GLIS1: variants seen among roughly 807,000 people sequenced by gnomAD.
GLIS1 encodes GLIS family zinc finger 1, also known as zinc finger protein GLIS1.
A neutral mutation model predicts 63.8 loss-of-function variants in GLIS1; 24 were observed. The observed-to-expected ratio is 0.38, with a 90% CI of 0.27 to 0.53. GLIS1 has a LOEUF of 0.53. Ranked by LOEUF, GLIS1 falls within the 20% of genes least tolerant of loss-of-function variation. The pLI is 0.85. For missense variants in GLIS1, 1,036 were observed against 1,074.1 expected (o/e 0.96, Z 0.50); for synonymous variants, 450 against 482.5 (o/e 0.93, Z 0.88).
At chr1:53,606,765 C>T (rs1032584373) in intron 2 of GLIS1, among the ~76,000 whole-genome samples, 1 of 152,344 alleles carries the variant, frequency 6.6e-6, no homozygotes, top group South Asian at 2.1e-4. Flanking sequence ...GCAGGGGCCT[C>T]CAGAACAGCA....
intron 2 of GLIS1, among the ~76,000 whole-genome samples, chr1:53,712,342 T>A (rs1646655333): frequency 6.6e-6 from 1 of 152,224 alleles, no homozygotes. Context: ...GCCATGCCAA[T>A]GCTGCTGGTC....
chr1:53,651,797 C>G (rs112009911), intron 2 of GLIS1, among the ~76,000 whole-genome samples: 1,613 of 151,734 alleles, frequency 0.011, 13 homozygotes, highest in Non-Finnish European at 0.017. Flanking sequence ...TCGCTTGAGC[C>G]CAGGAGCTTG....
At chr1:53,727,952 T>G (rs1302345448) in intron 2 of GLIS1, among the ~76,000 whole-genome samples, 2 of 152,214 alleles carry the variant, frequency 1.3e-5, no homozygotes, top group Non-Finnish European at 2.9e-5. Context: ...TACCATATGT[T>G]CAACCTTGCA....
At chr1:53,728,095 G>A (rs895888553) in intron 2 of GLIS1, among the ~76,000 whole-genome samples, 2 of 152,094 alleles carry the variant, frequency 1.3e-5, no homozygotes, top group Non-Finnish European at 2.9e-5. Flanking sequence ...CGGGGTTCAA[G>A]GATAATGACA....
At position 53,639,687 on chromosome 1, in the gene GLIS1, C is replaced by G. The variant is rs1378203439; in HGVS notation, c.260-39409G>C. Among the ~76,000 whole-genome samples the G allele has an allele frequency of 6.6e-6, 1 of 152,074 alleles. No homozygotes were observed. Among genetic ancestry groups the G allele is most frequent in the Non-Finnish European group, 1.5e-5 (1 of 68,016 alleles). ...CCCGCTATCCTGGGCCGACAGCATA[C>G]TCAGGTTTACTCAGTGAATATTTAT... On this transcript the variant is annotated intron_variant, in intron 2 of 10. Transcript: ENST00000628545. The surrounding 1 kb of genome is among the most constrained non-coding windows in gnomAD (Gnocchi z 4.6).
intron 2 of GLIS1, among the ~76,000 whole-genome samples, chr1:53,708,180 G>A (rs1646600608): frequency 6.6e-6 from 1 of 152,102 alleles, no homozygotes; most frequent in South Asian, 2.1e-4. Context: ...CTACTCAGGA[G>A]GCTGAGGCAG....
chr1:53,606,776 G>A (rs373067569), intron 2 of GLIS1, among the ~76,000 whole-genome samples: 1 of 152,238 alleles, frequency 6.6e-6, no homozygotes, highest in South Asian at 2.1e-4. Flanking sequence ...CAGAACAGCA[G>A]GCCTGACGCT....
At chr1:53,507,728 AG>A (rs1644250228) in intron 10 of GLIS1, among the ~76,000 whole-genome samples, 1 of 151,942 alleles carries the variant, frequency 6.6e-6, no homozygotes, top group African/African-American at 2.4e-5. Flanking sequence ...CACTGGGGAG[AG>A]GGGAGGCTGA....
intron 4 of GLIS1, among the ~76,000 whole-genome samples, chr1:53,580,828 C>T (rs1156627300): frequency 1.3e-5 from 2 of 152,154 alleles, no homozygotes; most frequent in Non-Finnish European, 2.9e-5. Context: ...GCATTCTTGG[C>T]TGTTTCCATC....
chr1:53,559,399 C>G (rs1162989257), intron 4 of GLIS1, among the ~76,000 whole-genome samples: 1 of 152,154 alleles, frequency 6.6e-6, no homozygotes, highest in East Asian at 1.9e-4. Flanking sequence ...ATGGAAGGAT[C>G]CTGGGTCCTG....
At chr1:53,549,381 T>C (rs917169104) in intron 4 of GLIS1, among the ~76,000 whole-genome samples, 1 of 152,256 alleles carries the variant, frequency 6.6e-6, no homozygotes, top group African/African-American at 2.4e-5. Flanking sequence ...ACTGCACAAT[T>C]GCACATTCCC....
At chr1:53,699,759 A>G (rs1646503860) in intron 2 of GLIS1, among the ~76,000 whole-genome samples, 1 of 152,126 alleles carries the variant, frequency 6.6e-6, no homozygotes, top group Admixed American at 6.5e-5. Flanking sequence ...CAGCTTGTGG[A>G]CAGCTACCTT....
At chr1:53,689,150 G>A (rs1646374229) in intron 2 of GLIS1, among the ~76,000 whole-genome samples, 1 of 152,212 alleles carries the variant, frequency 6.6e-6, no homozygotes, top group African/African-American at 2.4e-5. Context: ...AGGTACAGTT[G>A]GTCCATGCAC....
rs372949961 is a variant in GLIS1 at position 53,630,589 on chromosome 1, G to A, written c.260-30311C>T. On this transcript the variant is annotated intron_variant, in intron 2 of 10. Transcript: ENST00000628545. ...TGGCTCACTGCAACCTCTGCCTCCC[G>A]GGTTCAAGCAATTCTCCTGCCTCAG... Among the ~76,000 whole-genome samples the A allele has an allele frequency of 3.6e-4, 54 of 152,038 alleles. No individual in the cohort carries two copies. In the East Asian group the frequency reaches 4.6e-3, roughly 13 times the overall value.
intron 2 of GLIS1, among the ~76,000 whole-genome samples, chr1:53,697,973 C>G (rs1449551056): frequency 6.6e-6 from 1 of 152,134 alleles, no homozygotes; most frequent in East Asian, 1.9e-4. Flanking sequence ...GTTATTCTAG[C>G]AACCAAAGCC....
intron 4 of GLIS1, among the ~76,000 whole-genome samples, chr1:53,541,166 G>A (rs1239941516): frequency 2.6e-5 from 4 of 152,206 alleles, no homozygotes; most frequent in Non-Finnish European, 5.9e-5. Context: ...AGCAGGATAA[G>A]CTCTACCGGG....
At chr1:53,550,210 C>T (rs986392626) in intron 4 of GLIS1, among the ~76,000 whole-genome samples, 3 of 152,234 alleles carry the variant, frequency 2.0e-5, no homozygotes, top group African/African-American at 7.2e-5. Flanking sequence ...ATTCCAGACA[C>T]TGGCTCAGGA....
At chr1:53,576,188 C>A (rs1189872530) in intron 4 of GLIS1, among the ~76,000 whole-genome samples, 1 of 152,080 alleles carries the variant, frequency 6.6e-6, no homozygotes, top group African/African-American at 2.4e-5. Context: ...CCTCCCTGAT[C>A]CAGGCCCAGC....
At chr1:53,596,800 G>A (rs1645260188) in intron 3 of GLIS1, among the ~76,000 whole-genome samples, 1 of 152,168 alleles carries the variant, frequency 6.6e-6, no homozygotes, top group African/African-American at 2.4e-5. Flanking sequence ...CTGAGATGGG[G>A]ATAATCAGTG....
Sources: allele counts gnomAD v4.1 joint callset (sites outside exome capture counted in the v4.1 genomes callset), GRCh38; gene constraint gnomAD v4.1.1; non-coding constraint Gnocchi (gnomAD v3.1); transcripts MANE v1.5; gene names NCBI Gene and HGNC (gene_info 2026-07-23, HGNC 2026-07-21).